Variants in CYTH1 observed in about 807,000 individuals in gnomAD.
CYTH1 encodes cytohesin 1, also known as cytohesin-1.
In CYTH1, 18 loss-of-function variants were observed where a neutral mutation model predicts 61.8. The observed-to-expected ratio is 0.29, with a 90% CI of 0.20 to 0.43. CYTH1 has a LOEUF of 0.43. CYTH1 is among the 20% of genes least tolerant of loss of function. The pLI is 1.00. For synonymous variants in CYTH1, 174 were observed against 184.3 expected, an observed-to-expected ratio of 0.94 and a Z score of 0.45; for missense variants, 336 against 510.5, an observed-to-expected ratio of 0.66 and a Z score of 3.29.
At position 78,693,842 on chromosome 17, in the gene CYTH1, A is replaced by G. The variant is rs141873787; in HGVS notation, c.815-1349T>C. On this transcript the variant is annotated intron_variant, in intron 10 of 13. Coordinates refer to ENST00000446868, the MANE Select transcript of CYTH1 (RefSeq NM_004762.6). Reference sequence around the variant, plus strand: ...CTCAAAACTTATCCCTAAGGCCTTGACCTGTGAAGCTATGCATGGCATTCT... The same window carrying G: ...CTCAAAACTTATCCCTAAGGCCTTGGCCTGTGAAGCTATGCATGGCATTCT... 1.4e-3 allele frequency among the ~76,000 whole-genome samples: 220 copies of G among 152,180 alleles called. 3 individuals are homozygous for G. The East Asian group carries it at 0.035, about 24-fold the overall frequency.
At chr17:78,702,448 C>A in intron 4 of CYTH1, 90 bp downstream of exon 4, 2 of 1,396,518 alleles carry the variant, frequency 1.4e-6, no homozygotes, top group African/African-American at 1.4e-5. Flanking sequence ...TGAACTGTAA[C>A]GCTTGGAAAA....
At chr17:78,680,420 C>T (rs2092748028) in intron 12 of CYTH1, 76 bp from the exon 13 acceptor site, 5 of 1,474,790 alleles carry the variant, frequency 3.4e-6, no homozygotes, top group African/African-American at 1.4e-5. Flanking sequence ...TTTCTTTCCC[C>T]AAAACCCCTT....
At chr17:78,777,056 C>T (rs1206424639) in intron 1 of CYTH1, among the ~76,000 whole-genome samples, 1 of 150,230 alleles carries the variant, frequency 6.7e-6, no homozygotes, top group Non-Finnish European at 1.5e-5. Context: ...ATCTGGGAGG[C>T]GGAGGTTGCG....
At chr17:78,729,210 C>T (rs764387825) in intron 1 of CYTH1, among the ~76,000 whole-genome samples, 3 of 152,052 alleles carry the variant, frequency 2.0e-5, no homozygotes, top group Admixed American at 6.6e-5. Flanking sequence ...TGGCCTCAAG[C>T]GATACTCCCA....
intron 1 of CYTH1, among the ~76,000 whole-genome samples, chr17:78,775,075 C>T (rs963402312): frequency 3.3e-5 from 5 of 152,220 alleles, no homozygotes; most frequent in Non-Finnish European, 7.3e-5. Context: ...CCACTAGGCA[C>T]CCACCCCTGC....
chr17:78,754,337 G>T (rs1410973498), intron 1 of CYTH1, among the ~76,000 whole-genome samples: 1 of 151,830 alleles, frequency 6.6e-6, no homozygotes, highest in Non-Finnish European at 1.5e-5. Context: ...AAATTGTGGG[G>T]TTTTTTGTTT....
intron 1 of CYTH1, among the ~76,000 whole-genome samples, chr17:78,747,739 G>C (rs2093364966): frequency 6.6e-6 from 1 of 152,066 alleles, no homozygotes; most frequent in Non-Finnish European, 1.5e-5. Context: ...TCCTTTTTAT[G>C]ACTAAAGAAT....
At chr17:78,676,281 C>A in intron 13 of CYTH1, 112 bp from the exon 14 acceptor site, 1 of 1,005,566 alleles carries the variant, frequency 9.9e-7, no homozygotes, top group East Asian at 2.6e-5. Context: ...CTGTCCCACC[C>A]CACCATCACT....
At chr17:78,746,416 T>G (rs1392682018) in intron 1 of CYTH1, among the ~76,000 whole-genome samples, 1 of 152,186 alleles carries the variant, frequency 6.6e-6, no homozygotes, top group African/African-American at 2.4e-5. Flanking sequence ...ACGCAACACC[T>G]GCAAGATTTT....
At chr17:78,694,974 T>G (rs1441930126) in intron 10 of CYTH1, among the ~76,000 whole-genome samples, 1 of 151,870 alleles carries the variant, frequency 6.6e-6, no homozygotes, top group Non-Finnish European at 1.5e-5. Context: ...CAGGACCACC[T>G]CCCACTGCAC....
chr17:78,766,962 T>C (rs530555514), intron 1 of CYTH1, among the ~76,000 whole-genome samples: 1 of 152,320 alleles, frequency 6.6e-6, no homozygotes, highest in African/African-American at 2.4e-5. Flanking sequence ...ACTTCTCCAT[T>C]TCCTCACCTA....
At chr17:78,710,825 AG>A (rs2093121191) in intron 1 of CYTH1, among the ~76,000 whole-genome samples, 1 of 152,168 alleles carries the variant, frequency 6.6e-6, no homozygotes, top group Non-Finnish European at 1.5e-5. Flanking sequence ...TCTCAAGGGT[AG>A]GGGTGGTTTG....
At chr17:78,721,913 A>G (rs542404947) in intron 1 of CYTH1, among the ~76,000 whole-genome samples, 18 of 152,192 alleles carry the variant, frequency 1.2e-4, no homozygotes, top group Non-Finnish European at 1.6e-4. Flanking sequence ...CAGGCATGAT[A>G]GCAGGTATCT....
intron 2 of CYTH1, among the ~76,000 whole-genome samples, chr17:78,708,725 G>A (rs909787373): frequency 2.0e-5 from 3 of 152,232 alleles, no homozygotes; most frequent in Non-Finnish European, 4.4e-5. Context: ...GGGAATGTCT[G>A]ATCAAATCGG....
At chr17:78,724,287 A>G (rs755591688) in intron 1 of CYTH1, among the ~76,000 whole-genome samples, 1 of 152,228 alleles carries the variant, frequency 6.6e-6, no homozygotes, top group African/African-American at 2.4e-5. Context: ...CCAGAGACCC[A>G]GGCCCCTAAG....
intron 1 of CYTH1, among the ~76,000 whole-genome samples, chr17:78,742,577 G>C (rs191984939): frequency 5.4e-4 from 82 of 152,218 alleles, no homozygotes; most frequent in Admixed American, 1.6e-3. Flanking sequence ...AATAGGCCGG[G>C]TGTGCTGGCT....
rs555389607 is a variant in CYTH1, at chr17:78,747,019, T to C, written c.22+35183A>G. On this transcript the variant is annotated intron_variant, in intron 1 of 13. Coordinates refer to ENST00000446868, the MANE Select transcript of CYTH1 (RefSeq NM_004762.6). ...CTCTTTACCATGTGTTCATTCTAAA[T>C]GATGTCTGTTGAACTGTGCCAAGCA... 7.2e-5 allele frequency among the ~76,000 whole-genome samples: 11 copies of C among 151,988 alleles called. 1 individual carries two copies. In the South Asian group the frequency reaches 2.3e-3, roughly 32 times the overall value.
chr17:78,733,281 T>A (rs886847807), intron 1 of CYTH1, among the ~76,000 whole-genome samples: 20 of 152,268 alleles, frequency 1.3e-4, no homozygotes, highest in African/African-American at 3.1e-4. Flanking sequence ...TCCACTTTTT[T>A]AAATTTTCCA....
intron 13 of CYTH1, among the ~76,000 whole-genome samples, chr17:78,679,490 G>C (rs1277866947): frequency 1.3e-5 from 2 of 152,228 alleles, no homozygotes; most frequent in African/African-American, 4.8e-5. Context: ...ACTGGAGGGA[G>C]AGCCAGGCAG....
Sources: allele counts gnomAD v4.1 joint callset (sites outside exome capture counted in the v4.1 genomes callset), GRCh38; gene constraint gnomAD v4.1.1; transcripts MANE v1.5; gene names NCBI Gene and HGNC (gene_info 2026-07-23, HGNC 2026-07-21).